DRC9: variants seen among roughly 807,000 people sequenced by gnomAD.
DRC9 encodes dynein regulatory complex protein 9.
the DRC9 span, chr3:197,889,805 T>C: frequency 6.9e-7 from 1 of 1,443,378 alleles, no homozygotes; most frequent in South Asian, 1.2e-5. Flanking sequence ...TAAAGTAACT[T>C]CTGTCTGACA....
At chr3:197,938,173 C>T in the DRC9 span, among the ~76,000 whole-genome samples, 2 of 151,806 alleles carry the variant, frequency 1.3e-5, no homozygotes, top group East Asian at 2.0e-4. Context: ...AAAAATTAGC[C>T]GGGCATGGTG....
chr3:197,913,357 C>CGTGCGTGCGTGT, the DRC9 span: 3,200 of 224,148 alleles, frequency 0.014, 118 homozygotes, highest in African/African-American at 0.073. Flanking sequence ...TGTGTGCGTG[C>CGTGCGTGCGTGT]GTGCGTGTGT....
the DRC9 span, among the ~76,000 whole-genome samples, chr3:197,907,789 A>G: frequency 1.3e-5 from 2 of 151,424 alleles, no homozygotes; most frequent in East Asian, 3.9e-4. Flanking sequence ...ACCCTTTCCA[A>G]GGCATCCTCC....
chr3:197,927,500 A>T, the DRC9 span, among the ~76,000 whole-genome samples: 2 of 152,216 alleles, frequency 1.3e-5, no homozygotes, highest in East Asian at 3.8e-4. Flanking sequence ...TGCTGGGATT[A>T]CAGGTGTGAG....
At chr3:197,941,727 A>G in the DRC9 span, among the ~76,000 whole-genome samples, 2 of 150,960 alleles carry the variant, frequency 1.3e-5, no homozygotes, top group African/African-American at 4.9e-5. Flanking sequence ...TTCCTGGCTA[A>G]TTTTTGTATT....
the DRC9 span, among the ~76,000 whole-genome samples, chr3:197,904,015 TATAC>T: frequency 6.5e-4 from 59 of 91,284 alleles, no homozygotes; most frequent in Middle Eastern, 4.7e-3. Context: ...TACATATATA[TATAC>T]ATACATATAT....
At chr3:197,934,709 T>A in the DRC9 span, among the ~76,000 whole-genome samples, 5 of 151,762 alleles carry the variant, frequency 3.3e-5, no homozygotes, top group Admixed American at 2.0e-4. Context: ...AGCTCACACC[T>A]GTAATCCCAG....
At chr3:197,925,478 G>A in the DRC9 span, among the ~76,000 whole-genome samples, 2 of 151,672 alleles carry the variant, frequency 1.3e-5, no homozygotes, top group East Asian at 1.9e-4. Flanking sequence ...GGTGGGATAC[G>A]AAGATGGGAA....
At chr3:197,938,906 C>G in the DRC9 span, 8 of 721,006 alleles carry the variant, frequency 1.1e-5, no homozygotes, top group Admixed American at 2.1e-4. Flanking sequence ...AGAAAATGTG[C>G]CCCTTTCTTC....
chr3:197,913,007 G>C, the DRC9 span: 1 of 433,570 alleles, frequency 2.3e-6, no homozygotes, highest in Non-Finnish European at 4.2e-6. Flanking sequence ...GACAGAAACG[G>C]CGCTCCAAGG....
At chr3:197,902,217 G>A in the DRC9 span, among the ~76,000 whole-genome samples, 2 of 152,124 alleles carry the variant, frequency 1.3e-5, no homozygotes, top group Non-Finnish European at 2.9e-5. Context: ...AAGTCCCTTC[G>A]TATGCCTAGA....
At chr3:197,950,700 T>C in the DRC9 span, 39 of 566,166 alleles carry the variant, frequency 6.9e-5, 1 homozygote, top group South Asian at 8.0e-4. Context: ...TTTTTGTGAC[T>C]CCTGTCCCTT....
chr3:197,950,832 A>G, the DRC9 span: 1 of 989,868 alleles, frequency 1.0e-6, no homozygotes, highest in South Asian at 1.4e-5. Context: ...TCCTACATGA[A>G]ACTCCCATCC....
chr3:197,950,402 ACCCGGAGAACGGCTG>A, the DRC9 span: 1 of 1,076,144 alleles, frequency 9.3e-7, no homozygotes, highest in South Asian at 4.5e-5. Flanking sequence ...GTCCCCTGAC[ACCCGGAGAACGGCTG>A]CCCGGGTTAT....
the DRC9 span, among the ~76,000 whole-genome samples, chr3:197,937,714 G>A: frequency 1.1e-4 from 17 of 151,774 alleles, no homozygotes; most frequent in African/African-American, 3.9e-4. Flanking sequence ...TCCTGACCTC[G>A]TGATCCACCA....
the DRC9 span, among the ~76,000 whole-genome samples, chr3:197,918,258 CTTTTTTTTTTTTTT>C: frequency 1.7e-5 from 1 of 60,314 alleles, no homozygotes; most frequent in Non-Finnish European, 3.1e-5. Flanking sequence ...TAATTTTTTG[CTTTTTTTTTTTTTT>C]TTTTTTTTTT....
chr3:197,927,166 A>C, the DRC9 span, among the ~76,000 whole-genome samples: 3 of 152,310 alleles, frequency 2.0e-5, no homozygotes, highest in East Asian at 3.9e-4. Context: ...AAACAAAAGA[A>C]GACTTCTCAC....
the DRC9 span, among the ~76,000 whole-genome samples, chr3:197,936,611 C>A: frequency 6.6e-6 from 1 of 152,218 alleles, no homozygotes; most frequent in South Asian, 2.1e-4. Flanking sequence ...AATCCTCCCA[C>A]CTTGGCCTCC....
chr3:197,951,501 G>A, the DRC9 span: 16 of 610,298 alleles, frequency 2.6e-5, no homozygotes, highest in South Asian at 2.8e-4. Flanking sequence ...TACAGGCGCC[G>A]GCCACCACGC....
Sources: allele counts gnomAD v4.1 joint callset (sites outside exome capture counted in the v4.1 genomes callset), GRCh38; gene constraint gnomAD v4.1.1; transcripts MANE v1.5; gene names NCBI Gene and HGNC (gene_info 2026-07-23, HGNC 2026-07-21).